The following KIAA1549L variants were observed in gnomAD, a reference collection of about 807,000 sequenced individuals.
The protein encoded by KIAA1549L is UPF0606 protein KIAA1549L.
In KIAA1549L, 88 loss-of-function variants were observed where a neutral mutation model predicts 160.7. The ratio of observed to expected loss-of-function variants is 0.55; its 90% confidence interval spans 0.46 to 0.65. The LOEUF (loss-of-function observed/expected upper bound fraction) is 0.65, where lower values mean the gene tolerates loss of function less well. KIAA1549L is among the 30% of genes least tolerant of loss of function. The pLI is 0.00. For synonymous variants in KIAA1549L, 950 were observed against 976.7 expected (o/e 0.97, Z 0.51); for missense variants, 2,258 against 2,437.5 (o/e 0.93, Z 1.55).
intron 1 of KIAA1549L, among the ~76,000 whole-genome samples, chr11:33,397,592 G>C (rs947580243): frequency 3.3e-5 from 5 of 151,584 alleles, no homozygotes; most frequent in African/African-American, 7.3e-5. Flanking sequence ...GGCGCCTGTA[G>C]TCCCAGCTAC....
chr11:33,627,913 G>A (rs1369191083), intron 16 of KIAA1549L, among the ~76,000 whole-genome samples: 1 of 151,044 alleles, frequency 6.6e-6, no homozygotes, highest in Non-Finnish European at 1.5e-5. Context: ...GCTTTCTCTT[G>A]TGGGCATTTA....
chr11:33,504,298 A>T (rs1474086156), intron 1 of KIAA1549L, among the ~76,000 whole-genome samples: 1 of 152,034 alleles, frequency 6.6e-6, no homozygotes, highest in Non-Finnish European at 1.5e-5. Context: ...TTTTCTTCTG[A>T]TGTAAGAACT....
intron 1 of KIAA1549L, among the ~76,000 whole-genome samples, chr11:33,470,831 G>A (rs944580259): frequency 3.3e-5 from 5 of 152,144 alleles, no homozygotes; most frequent in Admixed American, 6.5e-5. Flanking sequence ...CTTTGGCTTT[G>A]TTTTGGTTAT....
At chr11:33,640,767 T>C (rs1434355308) in intron 16 of KIAA1549L, among the ~76,000 whole-genome samples, 22 of 152,222 alleles carry the variant, frequency 1.4e-4, no homozygotes, top group Admixed American at 1.4e-3. Flanking sequence ...GAACAGACAT[T>C]CCTCGATGAA....
chr11:33,547,792 G>A lies in KIAA1549L; in HGVS notation c.3414G>A (p.Gln1138=), dbSNP rs779090426. ...TVLFLTQRRV[Q]ISESLKFSIA... ...TCTTTCTCACCCAAAGGAGAGTGCA[G>A]ATCAGTGAATCCTTGAAGTTCAGTA... The change falls in exon 4 of 21, where the codon CAG becomes CAA. Residue 1138 remains glutamine (Q), a synonymous_variant. Coordinates refer to ENST00000658780, the MANE Select transcript of KIAA1549L (RefSeq NM_012194.3). The A allele has an allele frequency of 1.2e-6, 2 of 1,613,366 alleles. No individual in the cohort carries two copies. Among genetic ancestry groups the A allele is most frequent in the East Asian group, 2.2e-5 (1 of 44,862 alleles).
chr11:33,653,880 A>G (rs547262750), intron 17 of KIAA1549L, among the ~76,000 whole-genome samples: 34 of 149,752 alleles, frequency 2.3e-4, no homozygotes, highest in Non-Finnish European at 3.6e-4. Flanking sequence ...TCTACACTGA[A>G]TGTTTTTATT....
At chr11:33,581,907 A>G (rs1282726629) in intron 10 of KIAA1549L, among the ~76,000 whole-genome samples, 2 of 152,212 alleles carry the variant, frequency 1.3e-5, no homozygotes, top group African/African-American at 2.4e-5. Context: ...CACTAAAACA[A>G]TAAAACTGGG....
At chr11:33,490,141 A>G (rs978097772) in intron 1 of KIAA1549L, among the ~76,000 whole-genome samples, 1 of 152,052 alleles carries the variant, frequency 6.6e-6, no homozygotes, top group Non-Finnish European at 1.5e-5. Flanking sequence ...GTATCTTCCC[A>G]TGGCAAATCA....
At position 33,495,083 on chromosome 11, in the gene KIAA1549L, T is replaced by TTTATTATTATTATTATTATTA. The variant is rs367711015; in HGVS notation, c.239-46699_239-46698insATTATTATTATTATTATTATT. ...CAGAAGTTAGAATGGCATTTGCTAC[T>TTTATTATTATTATTATTATTA]TTATTATTATTATTATTATTTTAAT... On this transcript the variant is annotated intron_variant, in intron 1 of 20. Transcript: ENST00000658780. 1.8e-4 allele frequency among the ~76,000 whole-genome samples: 27 copies of TTTATTATTATTATTATTATTA among 152,016 alleles called. 1 individual carries two copies. The highest frequency in any genetic ancestry group is 6.5e-4 in the African/African-American group (27 of 41,462).
chr11:33,474,834 C>T (rs950329063), intron 1 of KIAA1549L, among the ~76,000 whole-genome samples: 14 of 152,158 alleles, frequency 9.2e-5, no homozygotes, highest in Non-Finnish European at 1.6e-4. Flanking sequence ...TTTTTCCAGG[C>T]GAGGGCCTGT....
At chr11:33,460,300 G>A (rs951830352) in intron 1 of KIAA1549L, among the ~76,000 whole-genome samples, 1 of 152,098 alleles carries the variant, frequency 6.6e-6, no homozygotes, top group Admixed American at 6.5e-5. Flanking sequence ...TTGAGGTGTG[G>A]TGGGGGCCAG....
intron 1 of KIAA1549L, among the ~76,000 whole-genome samples, chr11:33,458,199 A>G (rs1180220500): frequency 2.0e-5 from 3 of 152,252 alleles, no homozygotes. Flanking sequence ...GCACAGGGCC[A>G]GGGGTCAGAG....
chr11:33,665,029 C>CACTAAACACACCCTCTCTGGT (rs1271457496), intron 20 of KIAA1549L, among the ~76,000 whole-genome samples: 8 of 152,216 alleles, frequency 5.3e-5, no homozygotes, highest in Non-Finnish European at 1.2e-4. Flanking sequence ...GCTCCTCCCA[C>CACTAAACACACCCTCTCTGGT]ACTAAACACA....
At chr11:33,629,751 G>A (rs1199812916) in intron 16 of KIAA1549L, among the ~76,000 whole-genome samples, 2 of 150,884 alleles carry the variant, frequency 1.3e-5, no homozygotes, top group Non-Finnish European at 2.9e-5. Flanking sequence ...CCGTAGCTCG[G>A]AGTAATTTGA....
At chr11:33,598,047 G>A (rs1005712435) in intron 12 of KIAA1549L, among the ~76,000 whole-genome samples, 1 of 152,150 alleles carries the variant, frequency 6.6e-6, no homozygotes, top group African/African-American at 2.4e-5. Flanking sequence ...GGGGCATGGG[G>A]TGCTATCTTA....
At chr11:33,619,836 T>C (rs1331575857) in intron 16 of KIAA1549L, among the ~76,000 whole-genome samples, 1 of 152,226 alleles carries the variant, frequency 6.6e-6, no homozygotes, top group Non-Finnish European at 1.5e-5. Flanking sequence ...ATATTTCCTA[T>C]GCGAAATTCA....
At position 33,392,594 on chromosome 11, in the gene KIAA1549L, A is replaced by G. The variant is rs921273170; in HGVS notation, c.238+15705A>G. Among the ~76,000 whole-genome samples, 7 of 152,198 alleles carry G rather than the reference A, an allele frequency of 4.6e-5. 1 individual carries two copies. The highest frequency in any genetic ancestry group is 3.9e-4 in the Admixed American group (6 of 15,274). On this transcript the variant is annotated intron_variant, in intron 1 of 20. Coordinates refer to ENST00000658780, the MANE Select transcript of KIAA1549L (RefSeq NM_012194.3). ...GCATGTGACCATGACCCCAAAAAGT[A>G]AGTTTTCTTTTGCCCTTCTGCAGAC...
chr11:33,550,659 A>G (rs1248120511), intron 4 of KIAA1549L, among the ~76,000 whole-genome samples: 1 of 152,202 alleles, frequency 6.6e-6, no homozygotes, highest in Non-Finnish European at 1.5e-5. Flanking sequence ...TTTAATTCTC[A>G]TAAATGATGA....
intron 1 of KIAA1549L, among the ~76,000 whole-genome samples, chr11:33,422,885 GTGTATGTGATCATAGCCCC>G (rs1389900113): frequency 6.6e-6 from 1 of 152,092 alleles, no homozygotes; most frequent in Non-Finnish European, 1.5e-5. Context: ...TATGGCTGTT[GTGTATGTGATCATAGCCCC>G]TACCAATTGT....
Sources: allele counts gnomAD v4.1 joint callset (sites outside exome capture counted in the v4.1 genomes callset), GRCh38; gene constraint gnomAD v4.1.1; transcripts MANE v1.5; gene names NCBI Gene and HGNC (gene_info 2026-07-23, HGNC 2026-07-21).